MACROD2: variants seen among roughly 807,000 people sequenced by gnomAD.
The protein encoded by MACROD2 is ADP-ribose glycohydrolase MACROD2.
MACROD2 carries 36 observed loss-of-function variants against 70.4 expected under a neutral mutation model. The observed-to-expected ratio is 0.51, with a 90% CI of 0.39 to 0.68. The LOEUF (loss-of-function observed/expected upper bound fraction) is 0.68, where lower values mean the gene tolerates loss of function less well. Ranked by LOEUF, MACROD2 falls within the 30% of genes least tolerant of loss-of-function variation. The probability of loss-of-function intolerance (pLI) is 0.00; values close to 1 mark genes in which losing one functional copy is unlikely to be tolerated. For missense variants in MACROD2, 496 were observed against 538.4 expected, an observed-to-expected ratio of 0.92 and a Z score of 0.78; for synonymous variants, 172 against 178.8, an observed-to-expected ratio of 0.96 and a Z score of 0.30.
At chr20:14,840,033 C>CTTTTTTTTTTTTTT (rs71190154) in intron 5 of MACROD2, among the ~76,000 whole-genome samples, 1 of 142,492 alleles carries the variant, frequency 7.0e-6, no homozygotes, top group African/African-American at 2.6e-5. Context: ...GTCTCCATGT[C>CTTTTTTTTTTTTTT]TTTTTTTTTT....
At chr20:15,485,490 C>G (rs916077912) in intron 7 of MACROD2, among the ~76,000 whole-genome samples, 2 of 152,134 alleles carry the variant, frequency 1.3e-5, no homozygotes, top group African/African-American at 2.4e-5. Context: ...AGCAGGAGAA[C>G]AGATTGATTT....
intron 2 of MACROD2, among the ~76,000 whole-genome samples, chr20:14,042,923 T>G (rs1239788039): frequency 6.6e-6 from 1 of 151,686 alleles, no homozygotes; most frequent in African/African-American, 2.4e-5. Flanking sequence ...GGTGGGTTTT[T>G]TTTTTTTTTT....
intron 5 of MACROD2, among the ~76,000 whole-genome samples, chr20:14,720,773 C>G (rs1384920368): frequency 6.6e-6 from 1 of 151,578 alleles, no homozygotes; most frequent in Non-Finnish European, 1.5e-5. Flanking sequence ...AGGATGGTCT[C>G]AATCTCATGA....
intron 5 of MACROD2, among the ~76,000 whole-genome samples, chr20:14,949,673 C>T (rs1414080674): frequency 3.9e-5 from 6 of 152,144 alleles, no homozygotes; most frequent in East Asian, 3.8e-4. Flanking sequence ...GGCTCATTGA[C>T]GCATTCATGG....
chr20:15,037,023 T>C (rs1207110622), intron 5 of MACROD2, among the ~76,000 whole-genome samples: 7 of 152,048 alleles, frequency 4.6e-5, no homozygotes, highest in African/African-American at 1.7e-4. Flanking sequence ...TTATTAAAAA[T>C]TGGTCTTTTT....
chr20:15,571,993 G>A lies in MACROD2; in HGVS notation c.645+72146G>A, dbSNP rs112960977. 2.4e-4 allele frequency among the ~76,000 whole-genome samples: 36 copies of A among 152,120 alleles called. No individual in the cohort carries two copies. The East Asian group carries it at 3.9e-3, about 16-fold the overall frequency. On this transcript the variant is annotated intron_variant, in intron 8 of 17. Coordinates refer to ENST00000684519, the MANE Select transcript of MACROD2 (RefSeq NM_001351661.2). The stretch of plus-strand genomic sequence containing the variant: ...AGTTTTTTGTTTGTTAGCATGAGCA[G>A]CTATTAACATCCCCTGGAATCAAAG...
At chr20:14,497,681 G>A (rs149552708) in intron 4 of MACROD2, among the ~76,000 whole-genome samples, 14 of 151,718 alleles carry the variant, frequency 9.2e-5, no homozygotes, top group African/African-American at 1.7e-4. Context: ...TTAAAATGAC[G>A]GTTCCTGACA....
chr20:15,333,647 A>G (rs2078017159), intron 6 of MACROD2, among the ~76,000 whole-genome samples: 1 of 151,446 alleles, frequency 6.6e-6, no homozygotes. Flanking sequence ...CTTCTCTAGG[A>G]CTCAGTTTCC....
intron 5 of MACROD2, among the ~76,000 whole-genome samples, chr20:14,866,909 G>C (rs1005555286): frequency 9.2e-5 from 14 of 152,082 alleles, no homozygotes; most frequent in African/African-American, 3.1e-4. Flanking sequence ...CTGAAAAGTG[G>C]TTAAATCAAA....
chr20:14,517,880 G>A (rs560558065), intron 4 of MACROD2, among the ~76,000 whole-genome samples: 11 of 150,660 alleles, frequency 7.3e-5, no homozygotes, highest in Admixed American at 7.3e-4. Flanking sequence ...CCAATATTTT[G>A]TCTATTCCAG....
intron 3 of MACROD2, among the ~76,000 whole-genome samples, chr20:14,481,959 G>T (rs760523789): frequency 1.3e-5 from 2 of 152,078 alleles, no homozygotes; most frequent in Non-Finnish European, 2.9e-5. Flanking sequence ...GTTATTTTGG[G>T]CATATTTTCT....
rs146821300 is a variant in MACROD2 at position 15,373,289 on chromosome 20, C to G, written c.541-58116C>G. ...TTTTCAGTGACTGTAGTTTTATAAC[C>G]TTGATGTCTGGAAGGGCAAAACCCC... On this transcript the variant is annotated intron_variant, in intron 6 of 17. Coordinates refer to ENST00000684519, the MANE Select transcript of MACROD2 (RefSeq NM_001351661.2). 2.1e-3 allele frequency among the ~76,000 whole-genome samples: 326 copies of G among 152,214 alleles called. 3 individuals are homozygous for G. The highest frequency in any genetic ancestry group is 7.3e-3 in the African/African-American group (303 of 41,538).
intron 5 of MACROD2, among the ~76,000 whole-genome samples, chr20:14,758,370 C>G (rs1320221948): frequency 6.6e-6 from 1 of 152,072 alleles, no homozygotes; most frequent in Non-Finnish European, 1.5e-5. Context: ...ATGGCAATTC[C>G]ATGCCCAGAA....
At chr20:14,476,173 A>G (rs1021005011) in intron 3 of MACROD2, among the ~76,000 whole-genome samples, 3 of 152,188 alleles carry the variant, frequency 2.0e-5, no homozygotes, top group Admixed American at 2.0e-4. Context: ...ACTAGTAGCA[A>G]TGGTAAGTTT....
intron 5 of MACROD2, among the ~76,000 whole-genome samples, chr20:15,194,954 A>G (rs1229452727): frequency 6.6e-6 from 1 of 152,110 alleles, no homozygotes; most frequent in African/African-American, 2.4e-5. Flanking sequence ...CTTTTGTGGT[A>G]TTAAAGAATC....
chr20:14,749,200 G>A (rs1256364694), intron 5 of MACROD2, among the ~76,000 whole-genome samples: 2 of 151,992 alleles, frequency 1.3e-5, no homozygotes, highest in Non-Finnish European at 2.9e-5. Flanking sequence ...AATTAAAAAT[G>A]CAACCATTTC....
chr20:15,103,965 C>A (rs988634272), intron 5 of MACROD2, among the ~76,000 whole-genome samples: 1 of 152,138 alleles, frequency 6.6e-6, no homozygotes, highest in Non-Finnish European at 1.5e-5. Flanking sequence ...ACAATCAAGA[C>A]TGTGAAGCAA....
chr20:15,750,732 T>G (rs2051256515), intron 8 of MACROD2, among the ~76,000 whole-genome samples: 1 of 151,942 alleles, frequency 6.6e-6, no homozygotes, highest in Non-Finnish European at 1.5e-5. Flanking sequence ...TAAAAATGGA[T>G]GAATGGATAA....
chr20:14,650,107 A>G (rs2123508510), intron 4 of MACROD2, among the ~76,000 whole-genome samples: 1 of 152,126 alleles, frequency 6.6e-6, no homozygotes, highest in African/African-American at 2.4e-5. Context: ...CCTACTATCA[A>G]TCTGAGTGGA....
Sources: gnomAD v4.1 joint callset for allele counts (sites outside exome capture counted in the v4.1 genomes callset) on GRCh38, gnomAD v4.1.1 for gene constraint, MANE v1.5 for transcripts, NCBI Gene and HGNC (gene_info 2026-07-23, HGNC 2026-07-21) for gene names.